The following ITPR2 variants were observed in gnomAD, a reference collection of about 807,000 sequenced individuals.
ITPR2 encodes inositol 1,4,5-trisphosphate receptor type 2.
Under a neutral mutation model 317.1 loss-of-function variants are expected in ITPR2, and 207 were observed. That is an observed-to-expected ratio of 0.65 (90% CI 0.58 to 0.73). The LOEUF is 0.73. Ranked by LOEUF, ITPR2 falls within the 30% of genes least tolerant of loss-of-function variation. The pLI, the probability that ITPR2 is intolerant of heterozygous loss-of-function variation, is 0.00. For synonymous variants in ITPR2, 1,156 were observed against 1,149.1 expected (o/e 1.01, Z -0.12); for missense variants, 2,613 against 3,284.0 (o/e 0.80, Z 4.99).
rs143695760 is a variant in ITPR2, at chr12:26,400,457, T to C, written c.7400-199A>G. Among the ~76,000 whole-genome samples, 659 of 152,174 alleles carry C rather than the reference T, an allele frequency of 4.3e-3. 3 individuals carry two copies. The highest frequency in any genetic ancestry group is 6.8e-3 in the Middle Eastern group (2 of 294). On this transcript the variant is annotated intron_variant, in intron 52 of 56. Transcript: ENST00000381340. Reference sequence around the variant, plus strand: ...AATAAAAGATACATACAAATGTATATGAATATAATATTAAAAAGTGTAGCA... The same window carrying C: ...AATAAAAGATACATACAAATGTATACGAATATAATATTAAAAAGTGTAGCA...
chr12:26,701,309 C>CT (rs559689608), intron 9 of ITPR2, among the ~76,000 whole-genome samples: 4 of 152,046 alleles, frequency 2.6e-5, no homozygotes, highest in African/African-American at 9.6e-5. Flanking sequence ...AGAAGCTTTA[C>CT]TTTTTTTTAC....
intron 2 of ITPR2, among the ~76,000 whole-genome samples, chr12:26,751,354 A>T (rs1949412779): frequency 6.6e-6 from 1 of 152,152 alleles, no homozygotes; most frequent in South Asian, 2.1e-4. Flanking sequence ...TTAAAAAAAA[A>T]GTTGAAAGGT....
chr12:26,382,143 T>C (rs1939527703), intron 55 of ITPR2, among the ~76,000 whole-genome samples: 1 of 152,222 alleles, frequency 6.6e-6, no homozygotes, highest in Non-Finnish European at 1.5e-5. Flanking sequence ...TCTAGTTTTC[T>C]AAATTTTCTT....
chr12:26,604,365 T>C (rs570027669), intron 26 of ITPR2, among the ~76,000 whole-genome samples: 39 of 152,310 alleles, frequency 2.6e-4, no homozygotes, highest in Admixed American at 3.9e-4. Flanking sequence ...ACAAAGACAC[T>C]TTCTCTTTTC....
intron 2 of ITPR2, among the ~76,000 whole-genome samples, chr12:26,757,512 G>A (rs78196369): frequency 0.014 from 2,188 of 152,096 alleles, 55 homozygotes; most frequent in African/African-American, 0.05. Context: ...CACCACACCC[G>A]GTCTTATTCA....
Position 26,511,553 on chromosome 12 carries a change from T to A in ITPR2, c.5074-16293A>T, listed in dbSNP as rs1002390255. 3.3e-5 allele frequency among the ~76,000 whole-genome samples: 5 copies of A among 152,124 alleles called. No individual in the cohort carries two copies. The East Asian group carries it at 7.7e-4, about 23-fold the overall frequency. On this transcript the variant is annotated intron_variant, in intron 37 of 56. Transcript: ENST00000381340. ...TTGTAAGTATTTACTGTCTCACCCA[T>A]TTTTTTTCTATTTCCAAATACCTCT...
intron 9 of ITPR2, among the ~76,000 whole-genome samples, chr12:26,701,503 T>G (rs1948445890): frequency 6.6e-6 from 1 of 152,224 alleles, no homozygotes; most frequent in Non-Finnish European, 1.5e-5. Context: ...TTACTGGGTG[T>G]ATATGTGTGT....
chr12:26,613,978 CA>C (rs1946324827), intron 26 of ITPR2, among the ~76,000 whole-genome samples: 1 of 152,122 alleles, frequency 6.6e-6, no homozygotes, highest in South Asian at 2.1e-4. Context: ...AGAAATTCCA[CA>C]TACAAAGTTC....
At chr12:26,417,768 T>C (rs1295383802) in intron 50 of ITPR2, among the ~76,000 whole-genome samples, 1 of 147,538 alleles carries the variant, frequency 6.8e-6, no homozygotes, top group Non-Finnish European at 1.5e-5. Context: ...GATATTCCTA[T>C]CCATTTTATA....
intron 35 of ITPR2, among the ~76,000 whole-genome samples, chr12:26,557,015 G>T (rs1944681495): frequency 1.3e-5 from 2 of 151,860 alleles, no homozygotes; most frequent in Admixed American, 1.3e-4. Context: ...GGAGGCGGAG[G>T]TTGCAGTGAC....
intron 9 of ITPR2, among the ~76,000 whole-genome samples, chr12:26,702,812 G>A (rs1023089487): frequency 6.6e-6 from 1 of 152,086 alleles, no homozygotes; most frequent in African/African-American, 2.4e-5. Context: ...TCTAACCCTT[G>A]GTTAGCTTTA....
At chr12:26,566,321 A>C (rs1944984652) in intron 34 of ITPR2, among the ~76,000 whole-genome samples, 1 of 133,714 alleles carries the variant, frequency 7.5e-6, no homozygotes, top group African/African-American at 2.8e-5. Flanking sequence ...AAGAAGAGTG[A>C]GAGGAGAGGG....
chr12:26,435,807 T>C (rs895261495), intron 48 of ITPR2, among the ~76,000 whole-genome samples: 2 of 152,184 alleles, frequency 1.3e-5, no homozygotes, highest in Admixed American at 6.5e-5. Context: ...CTAGATTACA[T>C]GTATGCTCAC....
chr12:26,645,367 C>T (rs1223951029), intron 21 of ITPR2, among the ~76,000 whole-genome samples: 3 of 152,218 alleles, frequency 2.0e-5, no homozygotes, highest in Non-Finnish European at 2.9e-5. Context: ...TACCCATGTT[C>T]CTGCCTTTTC....
chr12:26,678,112 T>A (rs1406215771), intron 13 of ITPR2, among the ~76,000 whole-genome samples: 1 of 152,162 alleles, frequency 6.6e-6, no homozygotes, highest in African/African-American at 2.4e-5. Context: ...GAACTCTCAC[T>A]GTTTGAGAGT....
intron 37 of ITPR2, among the ~76,000 whole-genome samples, chr12:26,539,644 T>C (rs1295779800): frequency 1.3e-5 from 2 of 152,160 alleles, no homozygotes; most frequent in Non-Finnish European, 2.9e-5. Context: ...CTGTGCACAG[T>C]GTCTGGGATC....
chr12:26,554,319 TTTCATTTTAA>T (rs1205961958), intron 36 of ITPR2, among the ~76,000 whole-genome samples: 9 of 152,210 alleles, frequency 5.9e-5, no homozygotes, highest in African/African-American at 2.2e-4. Flanking sequence ...TGGATTTTTA[TTTCATTTTAA>T]TTCATTTAAA....
chr12:26,492,489 T>G (rs1019204768), intron 39 of ITPR2, among the ~76,000 whole-genome samples: 1 of 151,902 alleles, frequency 6.6e-6, no homozygotes, highest in Non-Finnish European at 1.5e-5. Context: ...TTCACTTCTA[T>G]CCACTGAACA....
At chr12:26,382,485 T>A (rs1939537296) in intron 55 of ITPR2, among the ~76,000 whole-genome samples, 1 of 152,100 alleles carries the variant, frequency 6.6e-6, no homozygotes, top group African/African-American at 2.4e-5. Context: ...GCCAATGTGG[T>A]GAAACCCTGT....
Sources: allele counts gnomAD v4.1 joint callset (sites outside exome capture counted in the v4.1 genomes callset), GRCh38; gene constraint gnomAD v4.1.1; transcripts MANE v1.5; gene names NCBI Gene and HGNC (gene_info 2026-07-23, HGNC 2026-07-21).